Variants in SPMIP4 observed in about 807,000 individuals in gnomAD.
The protein encoded by SPMIP4 is sperm microtubule inner protein 4.
chr7:25,162,059 C>A, the SPMIP4 span, among the ~76,000 whole-genome samples: 2 of 151,582 alleles, frequency 1.3e-5, no homozygotes, highest in Non-Finnish European at 2.9e-5. Flanking sequence ...TCACTTGAGG[C>A]CAGGAGTTCG....
At chr7:25,140,363 A>G in the SPMIP4 span, among the ~76,000 whole-genome samples, 2 of 152,126 alleles carry the variant, frequency 1.3e-5, no homozygotes, top group African/African-American at 2.4e-5. Flanking sequence ...GTGCAGTGGC[A>G]CAACCTTTGC....
the SPMIP4 span, among the ~76,000 whole-genome samples, chr7:25,174,135 CA>C: frequency 2.0e-5 from 3 of 152,076 alleles, no homozygotes; most frequent in Non-Finnish European, 2.9e-5. The surrounding 1 kb of genome is among the most constrained non-coding windows in gnomAD (Gnocchi z 4.5). Flanking sequence ...CTGCCAACTC[CA>C]AATGAGGGCT....
chr7:25,135,031 T>C, the SPMIP4 span: 4 of 703,528 alleles, frequency 5.7e-6, no homozygotes, highest in Middle Eastern at 1.5e-3. Context: ...AAAATTAAAA[T>C]AAATATTCAC....
chr7:25,175,088 C>T, the SPMIP4 span, among the ~76,000 whole-genome samples: 9 of 152,048 alleles, frequency 5.9e-5, no homozygotes, highest in Admixed American at 4.6e-4. Flanking sequence ...CTAAAAAATG[C>T]AGATTCCCTT....
At chr7:25,145,916 C>T in the SPMIP4 span, among the ~76,000 whole-genome samples, 1 of 148,644 alleles carries the variant, frequency 6.7e-6, no homozygotes, top group African/African-American at 2.5e-5. Context: ...ACAAAAAAAG[C>T]AAATATAGTT....
At chr7:25,139,212 C>T in the SPMIP4 span, among the ~76,000 whole-genome samples, 2 of 152,194 alleles carry the variant, frequency 1.3e-5, no homozygotes, top group African/African-American at 4.8e-5. Context: ...AATATACATG[C>T]TGCATGTTTA....
chr7:25,163,732 G>A, the SPMIP4 span, among the ~76,000 whole-genome samples: 1 of 152,138 alleles, frequency 6.6e-6, no homozygotes, highest in Non-Finnish European at 1.5e-5. The surrounding 1 kb of genome is among the most constrained non-coding windows in gnomAD (Gnocchi z 4.4). Context: ...TCAGCCATCT[G>A]GTGGTAGGAT....
chr7:25,157,605 A>G, the SPMIP4 span, among the ~76,000 whole-genome samples: 441 of 152,342 alleles, frequency 2.9e-3, 1 homozygote, highest in African/African-American at 0.01. Flanking sequence ...AATGTCAGTC[A>G]AAGCCCAATT....
the SPMIP4 span, among the ~76,000 whole-genome samples, chr7:25,129,411 G>T: frequency 6.6e-6 from 1 of 152,148 alleles, no homozygotes; most frequent in African/African-American, 2.4e-5. Context: ...CTGTGACAGG[G>T]CAGCACTGAG....
chr7:25,169,525 G>C, the SPMIP4 span, among the ~76,000 whole-genome samples: 9 of 152,096 alleles, frequency 5.9e-5, no homozygotes, highest in African/African-American at 1.4e-4. Flanking sequence ...AAGTTTTCAA[G>C]GTTCATCCAT....
At chr7:25,160,757 GTTA>G in the SPMIP4 span, among the ~76,000 whole-genome samples, 1 of 152,186 alleles carries the variant, frequency 6.6e-6, no homozygotes, top group Non-Finnish European at 1.5e-5. Flanking sequence ...CTTAGGAAGT[GTTA>G]TTAAGAGTTA....
the SPMIP4 span, among the ~76,000 whole-genome samples, chr7:25,178,076 C>T: frequency 1.3e-5 from 2 of 152,124 alleles, no homozygotes; most frequent in East Asian, 3.8e-4. Flanking sequence ...TTTCTGTTCC[C>T]GTGTTAGTTT....
the SPMIP4 span, among the ~76,000 whole-genome samples, chr7:25,176,906 G>A: frequency 6.6e-6 from 1 of 152,214 alleles, no homozygotes; most frequent in Non-Finnish European, 1.5e-5. The surrounding 1 kb of genome is among the most constrained non-coding windows in gnomAD (Gnocchi z 4.4). Context: ...GAAAGGCTAA[G>A]CGCAAGAAGA....
chr7:25,160,511 C>T, the SPMIP4 span, among the ~76,000 whole-genome samples: 1 of 152,156 alleles, frequency 6.6e-6, no homozygotes, highest in African/African-American at 2.4e-5. Context: ...GTTGGCCAGG[C>T]TGGTCTTGAA....
At chr7:25,143,501 C>T in the SPMIP4 span, among the ~76,000 whole-genome samples, 1 of 151,478 alleles carries the variant, frequency 6.6e-6, no homozygotes, top group Non-Finnish European at 1.5e-5. Context: ...AACATATTGG[C>T]TAGTAGGGGA....
At chr7:25,140,759 TG>T in the SPMIP4 span, among the ~76,000 whole-genome samples, 11 of 150,502 alleles carry the variant, frequency 7.3e-5, no homozygotes, top group Admixed American at 2.0e-4. Context: ...GGCTAATTTT[TG>T]TATTTTTAGT....
At chr7:25,141,689 T>G in the SPMIP4 span, among the ~76,000 whole-genome samples, 3 of 145,668 alleles carry the variant, frequency 2.1e-5, no homozygotes, top group African/African-American at 7.6e-5. Context: ...TCAGCAACAG[T>G]AGCATAGTAG....
At chr7:25,155,291 T>C in the SPMIP4 span, 1 of 1,043,570 alleles carries the variant, frequency 9.6e-7, no homozygotes, top group Non-Finnish European at 1.4e-6. Flanking sequence ...CTTTTTTAAA[T>C]GGCAGAAACT....
At chr7:25,146,897 A>G in the SPMIP4 span, among the ~76,000 whole-genome samples, 2 of 152,250 alleles carry the variant, frequency 1.3e-5, no homozygotes, top group Non-Finnish European at 2.9e-5. Flanking sequence ...GACTATTCTC[A>G]TATCCTAAAA....
Sources: gnomAD v4.1 joint callset for allele counts (sites outside exome capture counted in the v4.1 genomes callset) on GRCh38, gnomAD v4.1.1 for gene constraint, Gnocchi (gnomAD v3.1) non-coding constraint, MANE v1.5 for transcripts, NCBI Gene and HGNC (gene_info 2026-07-23, HGNC 2026-07-21) for gene names.